TTYH2: variants seen among roughly 807,000 people sequenced by gnomAD.
TTYH2 encodes tweety family member 2.
TTYH2 carries 49 observed loss-of-function variants against 68.3 expected under a neutral mutation model. That is an observed-to-expected ratio of 0.72 (90% CI 0.57 to 0.91). The LOEUF is 0.91. Among genes scored for constraint, TTYH2 ranks in the 40% least tolerant of loss-of-function variants. The probability of loss-of-function intolerance (pLI) is 0.00; values close to 1 mark genes in which losing one functional copy is unlikely to be tolerated. For missense variants in TTYH2, 631 were observed against 700.4 expected, an observed-to-expected ratio of 0.90 and a Z score of 1.12; for synonymous variants, 272 against 300.8, an observed-to-expected ratio of 0.90 and a Z score of 0.99.
chr17:74,233,877 G>C (rs1462034973), intron 3 of TTYH2, among the ~76,000 whole-genome samples: 1 of 152,152 alleles, frequency 6.6e-6, no homozygotes, highest in Non-Finnish European at 1.5e-5. Flanking sequence ...GTCTGCAGCA[G>C]GCTGATGGGC....
At position 74,244,217 on chromosome 17, in the gene TTYH2, G is replaced by A. The variant is rs937644007; in HGVS notation, c.804+168G>A. On this transcript the variant is annotated intron_variant, in intron 6 of 13. Coordinates refer to ENST00000269346, the MANE Select transcript of TTYH2 (RefSeq NM_032646.6). ...GAACCGGCCCCTCTCGTTACAGATG[G>A]GGAAACAGGCCCAGAGAAAGGAAGG... 2.7e-4 allele frequency: 170 copies of A among 637,050 alleles called. 1 individual carries two copies. Among genetic ancestry groups the A allele is most frequent in the Admixed American group, 2.5e-4 (9 of 35,680 alleles). 39.5% of individuals were successfully genotyped at this position (637,050 alleles called of 1,614,324 possible). A position where few individuals can be genotyped will look rare whatever the true frequency, so the allele number is the denominator to read the frequency against.
At position 74,215,783 on chromosome 17, in the gene TTYH2, A is replaced by G. The variant is rs1328918416; in HGVS notation, c.129+2067A>G. ...TTCCTCCTGAGCACCAGTCACTAAC[A>G]GAGTCAGGTGGACCGTCGGTCATCC... is the stretch of plus-strand genomic sequence containing the variant. On this transcript the variant is annotated intron_variant, in intron 1 of 13. Coordinates refer to ENST00000269346, the MANE Select transcript of TTYH2 (RefSeq NM_032646.6). This position sits in a 1 kb window ranked among gnomAD's most constrained non-coding sequence, Gnocchi z 4.3. The G allele has an allele frequency of 3.5e-6, 5 of 1,446,170 alleles. No homozygotes were observed. The African/African-American group carries it at 7.0e-5, about 20-fold the overall frequency. 89.6% of individuals were successfully genotyped at this position (1,446,170 alleles called of 1,614,324 possible).
At chr17:74,242,743 G>T (rs1244293342) in intron 4 of TTYH2, among the ~76,000 whole-genome samples, 1 of 152,188 alleles carries the variant, frequency 6.6e-6, no homozygotes, top group Non-Finnish European at 1.5e-5. Context: ...GGGGCAAGAT[G>T]GGAGGCCTTG....
At chr17:74,235,597 T>C (rs1478550300) in intron 3 of TTYH2, among the ~76,000 whole-genome samples, 5 of 152,152 alleles carry the variant, frequency 3.3e-5, no homozygotes, top group Non-Finnish European at 4.4e-5. Flanking sequence ...CCATTAGAAA[T>C]GGATGCACAT....
intron 6 of TTYH2, among the ~76,000 whole-genome samples, chr17:74,244,922 A>G (rs2143763371): frequency 6.6e-6 from 1 of 152,152 alleles, no homozygotes; most frequent in Non-Finnish European, 1.5e-5. Context: ...GTGATAGAAG[A>G]GAACACAGTT....
chr17:74,259,726 G>A (rs887998711), intron 13 of TTYH2, among the ~76,000 whole-genome samples: 1 of 152,104 alleles, frequency 6.6e-6, no homozygotes, highest in Non-Finnish European at 1.5e-5. Context: ...GGAAACTGAG[G>A]CTAGAAAAGG....
At chr17:74,224,876 G>A (rs1254159900) in intron 2 of TTYH2, among the ~76,000 whole-genome samples, 1 of 152,128 alleles carries the variant, frequency 6.6e-6, no homozygotes, top group African/African-American at 2.4e-5. Context: ...GCGAGTGCCT[G>A]TAACCTCAGC....
Position 74,260,292 on chromosome 17 carries a change from CCAAAG to C in TTYH2, c.*84_*88del. 1.4e-6 allele frequency: 2 copies of C among 1,448,270 alleles called. No homozygotes were observed. Among genetic ancestry groups the C allele is most frequent in the Non-Finnish European group, 1.9e-6 (2 of 1,038,444 alleles). 89.7% of individuals were successfully genotyped at this position (1,448,270 alleles called of 1,614,324 possible). On this transcript the variant is annotated 3_prime_UTR_variant, in exon 14 of 14. Coordinates refer to ENST00000269346, the MANE Select transcript of TTYH2 (RefSeq NM_032646.6). ...ACAAGCTGCGTTTCTTTAATAGAAA[CCAAAG>C]GCATCTGGAGCCCGAGAGGCCTCCT...
intron 10 of TTYH2, chr17:74,250,572 G>A: frequency 1.9e-6 from 1 of 538,008 alleles, no homozygotes; most frequent in Non-Finnish European, 3.3e-6. Context: ...AGGGGTTCGG[G>A]ATGGGAGGGT....
chr17:74,252,805 C>T (rs556648410), intron 11 of TTYH2, among the ~76,000 whole-genome samples: 1 of 152,268 alleles, frequency 6.6e-6, no homozygotes, highest in East Asian at 1.9e-4. Flanking sequence ...TGTACAGGCA[C>T]CTGGTGAGCG....
Position 74,249,697 on chromosome 17 carries a change from C to G in TTYH2, c.931-239C>G, listed in dbSNP as rs1223975603. On this transcript the variant is annotated intron_variant, in intron 8 of 13. Coordinates refer to ENST00000269346, the MANE Select transcript of TTYH2 (RefSeq NM_032646.6). The stretch of plus-strand genomic sequence containing the variant: ...CCCAGGTGAGGCCAGGGCTGCTGGT[C>G]CAAAGACCACATCTGAGCTGCAAGC... Among the ~76,000 whole-genome samples the G allele has an allele frequency of 2.6e-5, 4 of 152,006 alleles. No homozygotes were observed. The East Asian group carries it at 7.7e-4, about 29-fold the overall frequency.
chr17:74,242,334 T>G (rs1303936106), intron 4 of TTYH2, among the ~76,000 whole-genome samples: 1 of 152,192 alleles, frequency 6.6e-6, no homozygotes, highest in Non-Finnish European at 1.5e-5. Flanking sequence ...CACCTGGGTA[T>G]CCCTGGTGCC....
At chr17:74,218,949 G>T (rs1227756195) in intron 1 of TTYH2, among the ~76,000 whole-genome samples, 1 of 152,214 alleles carries the variant, frequency 6.6e-6, no homozygotes, top group Non-Finnish European at 1.5e-5. Context: ...GAATAACTTG[G>T]TTGGGCGTCG....
intron 1 of TTYH2, among the ~76,000 whole-genome samples, chr17:74,219,228 A>C (rs540229000): frequency 6.6e-6 from 1 of 150,616 alleles, no homozygotes; most frequent in Non-Finnish European, 1.5e-5. Context: ...AAAAAAAAAA[A>C]GTACAAAAAA....
intron 11 of TTYH2, among the ~76,000 whole-genome samples, chr17:74,252,671 G>T (rs1489848709): frequency 6.6e-6 from 1 of 152,336 alleles, no homozygotes; most frequent in Admixed American, 6.5e-5. Flanking sequence ...AGGACTTTGC[G>T]ATCTGGAATG....
Position 74,253,820 on chromosome 17 carries a change from C to T in TTYH2, c.1511C>T (p.Ser504Phe), listed in dbSNP as rs1372399610. 1.9e-6 allele frequency: 3 copies of T among 1,614,140 alleles called. No individual in the cohort carries two copies. Among genetic ancestry groups the T allele is most frequent in the Non-Finnish European group, 2.5e-6 (3 of 1,180,052 alleles). ...AACGTGCCACTAATCGGGAGAGCCT[C>T]CCCTCCGCCTACGGTAATTGGGGCT... is the stretch of plus-strand genomic sequence containing the variant. The part of the protein sequence containing the change: ...YENVPLIGRA[S>F]PPPTYSPSMR... The change falls in exon 13 of 14, where the codon TCC becomes TTC. Residue 504 changes from serine (S) to phenylalanine (F), a missense_variant. By Grantham distance (155) the Ser-to-Phe change is radical. Transcript: ENST00000269346.
chr17:74,222,784 G>T lies in TTYH2; in HGVS notation c.302+127G>T. 1.7e-6 allele frequency: 2 copies of T among 1,149,524 alleles called. No individual in the cohort carries two copies. The highest frequency in any genetic ancestry group is 2.3e-6 in the Non-Finnish European group (2 of 857,166). The allele number at this position is 1,149,524 out of a possible 1,614,324, so 71.2% of individuals were successfully genotyped here. On this transcript the variant is annotated intron_variant, in intron 2 of 13. Transcript: ENST00000269346. The surrounding 1 kb of genome is among the most constrained non-coding windows in gnomAD (Gnocchi z 5.2). Reference sequence around the variant, plus strand: ...AAAAGCTTGTCCCCAGATGAATGTTGTCCCTTTTTTTTTTTTTACCAAGCA... The same window carrying T: ...AAAAGCTTGTCCCCAGATGAATGTTTTCCCTTTTTTTTTTTTTACCAAGCA...
intron 13 of TTYH2, among the ~76,000 whole-genome samples, chr17:74,258,860 C>T (rs1270566035): frequency 1.3e-5 from 2 of 152,028 alleles, no homozygotes; most frequent in African/African-American, 2.4e-5. Flanking sequence ...CCCACTGGGT[C>T]GAAAACCTCA....
At position 74,214,885 on chromosome 17, in the gene TTYH2, G is replaced by A. The variant is rs531321913; in HGVS notation, c.129+1169G>A. 6.6e-6 allele frequency among the ~76,000 whole-genome samples: 1 copy of A among 152,272 alleles called. No homozygotes were observed. The highest frequency in any genetic ancestry group is 2.4e-5 in the African/African-American group (1 of 41,546). On this transcript the variant is annotated intron_variant, in intron 1 of 13. Transcript: ENST00000269346. This position sits in a 1 kb window ranked among gnomAD's most constrained non-coding sequence, Gnocchi z 4.6. ...CTGATCCAGTGTGAGGTGCCCAAGCGCCAGTGACAGGGAGTCTAATAATAA... is the reference window on the plus strand; with the variant it reads ...CTGATCCAGTGTGAGGTGCCCAAGCACCAGTGACAGGGAGTCTAATAATAA...
Sources: allele counts gnomAD v4.1 joint callset (sites outside exome capture counted in the v4.1 genomes callset), GRCh38; gene constraint gnomAD v4.1.1; non-coding constraint Gnocchi (gnomAD v3.1); transcripts MANE v1.5; gene names NCBI Gene and HGNC (gene_info 2026-07-23, HGNC 2026-07-21).